MEF2B: variants seen among roughly 807,000 people sequenced by gnomAD.
MEF2B encodes the protein myocyte enhancer factor 2B.
MEF2B carries 15 observed loss-of-function variants against 32.2 expected under a neutral mutation model. That is an observed-to-expected ratio of 0.47 (90% CI 0.31 to 0.72). The LOEUF is 0.72. Ranked by LOEUF, MEF2B falls within the 30% of genes least tolerant of loss-of-function variation. The pLI is 0.05. For synonymous variants in MEF2B, 205 were observed against 225.6 expected (o/e 0.91, Z 0.82); for missense variants, 441 against 511.5 (o/e 0.86, Z 1.33).
intron 1 of MEF2B, among the ~76,000 whole-genome samples, chr19:19,162,823 T>G (rs1256613515): frequency 6.6e-6 from 1 of 152,164 alleles, no homozygotes. Context: ...ATTCAAATCC[T>G]AAACCCGCCA....
chr19:19,158,445 TAAA>T (rs370149412), intron 1 of MEF2B, among the ~76,000 whole-genome samples: 149 of 124,084 alleles, frequency 1.2e-3, no homozygotes, highest in East Asian at 3.8e-3. Flanking sequence ...ACCCTGCCCC[TAAA>T]AAAAAAAAAA....
rs1440686308 is a variant in MEF2B, at chr19:19,152,392, AGAAAAAG to A, written c.-29-1635_-29-1629del. ...CAAGACTCTGTCTCAAAAAAAAAAA[AGAAAAAG>A]AAAAAGAAAAAGAAAAAGAAATCTG... On this transcript the variant is annotated intron_variant, in intron 1 of 8. Transcript: ENST00000424583. 1.2e-3 allele frequency among the ~76,000 whole-genome samples: 173 copies of A among 139,254 alleles called. 1 individual carries two copies. Among genetic ancestry groups the A allele is most frequent in the African/African-American group, 4.6e-3 (162 of 35,106 alleles). The allele number at this position is 139,254 out of a possible 152,430, so 91.4% of individuals were successfully genotyped here. A position where few individuals can be genotyped will look rare whatever the true frequency, so the allele number is the denominator to read the frequency against.
chr19:19,147,738 C>T lies in MEF2B; in HGVS notation c.353G>A (p.Gly118Asp). The T allele has an allele frequency of 6.2e-7, 1 of 1,613,974 alleles. No individual in the cohort carries two copies. Among genetic ancestry groups the T allele is most frequent in the Non-Finnish European group, 8.5e-7 (1 of 1,179,956 alleles). The stretch of plus-strand genomic sequence containing the variant: ...GGGCAAGGCCGGATCACCCCCTTCG[C>T]CTGCCAGCCTCCGAAACTTCTCTCC... ...EPGEKFRRLA[G>D]EGGDPALPRP... is the part of the protein sequence containing the mutation. Residue 118 changes from glycine (G) to aspartate (D), a missense_variant, in exon 4 of 9, where the codon GGC becomes GAC. Gly to Asp is a moderately conservative substitution (Grantham distance 94, BLOSUM62 -1). Transcript: ENST00000424583.
At chr19:19,146,201 G>A (rs1464502006) in intron 8 of MEF2B, 72 bp downstream of exon 8, 8 of 858,004 alleles carry the variant, frequency 9.3e-6, no homozygotes, top group Admixed American at 3.7e-5. Flanking sequence ...CAGTACCAGG[G>A]ATGGCCACCA....
chr19:19,147,141 C>A lies in MEF2B; in HGVS notation c.436G>T (p.Ala146Ser). Reference sequence around the variant, plus strand: ...GGGTCACAGCCTGGTGGCGGTAAGGCCCCGTATACCACATCTGGGCTGGGC... The same window carrying A: ...GGGTCACAGCCTGGTGGCGGTAAGGACCCGTATACCACATCTGGGCTGGGC... ...AMPSPDVVYG[A>S]LPPPGCDPSG... The change falls in exon 5 of 9, where the codon GCC (alanine) becomes TCC (serine). Residue 146 changes from alanine to serine, a missense_variant. By Grantham distance (99) the Ala-to-Ser change is moderately conservative (BLOSUM62 1). Transcript: ENST00000424583. 1 of 1,595,286 alleles carries A rather than the reference C, an allele frequency of 6.3e-7. No individual in the cohort carries two copies. The highest frequency in any genetic ancestry group is 8.5e-7 in the Non-Finnish European group (1 of 1,171,706).
intron 3 of MEF2B, 90 bp downstream of exon 3, chr19:19,149,136 C>T: frequency 6.7e-7 from 1 of 1,495,424 alleles, no homozygotes; most frequent in African/African-American, 1.4e-5. Context: ...GATGAAGACA[C>T]TCATCTTTTG....
intron 8 of MEF2B, 93 bp downstream of exon 8, chr19:19,146,180 G>A (rs990886209): frequency 2.5e-5 from 21 of 844,752 alleles, no homozygotes; most frequent in African/African-American, 1.8e-4. Flanking sequence ...CATCCGTACC[G>A]GAAGTGTGCG....
In MEF2B at chr19:19,166,592, C is replaced by T. The variant is rs771048122; in HGVS notation, c.-30+3613G>A. ...GCAACATAGGGAGACCCCCCCATCT[C>T]CAATTAAAAAAAAAAAAAAAGCCAG... On this transcript the variant is annotated intron_variant, in intron 1 of 8. Coordinates refer to ENST00000424583, the MANE Select transcript of MEF2B (RefSeq NM_001145785.2). Among the ~76,000 whole-genome samples, 45 of 61,338 alleles carry T rather than the reference C, an allele frequency of 7.3e-4. No homozygotes were observed. In the Middle Eastern group the frequency reaches 0.034, roughly 46 times the overall value. 40.2% of individuals were successfully genotyped at this position (61,338 alleles called of 152,430 possible). A position where few individuals can be genotyped will look rare whatever the true frequency, so the allele number is the denominator to read the frequency against.
At chr19:19,146,902 G>A in intron 5 of MEF2B, 27 bp from the exon 6 acceptor site, 10 of 1,602,304 alleles carry the variant, frequency 6.2e-6, no homozygotes, top group Non-Finnish European at 7.7e-6. Context: ...CCCAGAGAGA[G>A]AGGACAGGCA....
In MEF2B at chr19:19,150,723, T is replaced by G; in HGVS notation, c.13A>C (p.Lys5Gln). The change falls in exon 2 of 9, where the codon AAA becomes CAA. Residue 5 changes from lysine to glutamine, a missense_variant. This residue lies in a region of MEF2B where 115 missense variants were observed against 183.1 expected (regional missense o/e 0.63). Coordinates refer to ENST00000424583, the MANE Select transcript of MEF2B (RefSeq NM_001145785.2). Reference sequence around the variant, plus strand: ...TCCAGGATGCGGGAGATCTGGATTTTTTTCCTCCCCATCGTCCCAGGCTGA... The same window carrying G: ...TCCAGGATGCGGGAGATCTGGATTTGTTTCCTCCCCATCGTCCCAGGCTGA... Reference protein sequence around the residue: MGRKKIQISRILDQR... With the variant: MGRKQIQISRILDQR... 6.2e-7 allele frequency: 1 copy of G among 1,614,058 alleles called. No homozygotes were observed. Among genetic ancestry groups the G allele is most frequent in the South Asian group, 1.1e-5 (1 of 91,076 alleles).
At chr19:19,168,161 G>A (rs889724760) in intron 1 of MEF2B, among the ~76,000 whole-genome samples, 2 of 152,142 alleles carry the variant, frequency 1.3e-5, no homozygotes, top group Non-Finnish European at 2.9e-5. Flanking sequence ...CCAAGAGTCT[G>A]AGAGTTCTTG....
chr19:19,154,404 C>T (rs140834592), intron 1 of MEF2B, among the ~76,000 whole-genome samples: 2,993 of 152,078 alleles, frequency 0.02, 90 homozygotes, highest in African/African-American at 0.068. Flanking sequence ...CCTCATGATC[C>T]GCCCGCCTTG....
At chr19:19,158,420 G>C (rs2060135225) in intron 1 of MEF2B, among the ~76,000 whole-genome samples, 1 of 137,352 alleles carries the variant, frequency 7.3e-6, no homozygotes, top group South Asian at 2.6e-4. Flanking sequence ...GCTCCAGCCA[G>C]AGCAACATAG....
At chr19:19,163,740 G>A (rs899941276) in intron 1 of MEF2B, among the ~76,000 whole-genome samples, 1 of 152,024 alleles carries the variant, frequency 6.6e-6, no homozygotes, top group Non-Finnish European at 1.5e-5. Context: ...TGCAACCTCC[G>A]CCTCCCAGGT....
intron 4 of MEF2B, 59 bp downstream of exon 4, chr19:19,147,639 C>A: frequency 1.3e-6 from 2 of 1,587,318 alleles, no homozygotes; most frequent in Non-Finnish European, 1.7e-6. Flanking sequence ...CCAGCCTCAA[C>A]GACTTGGGCC....
At chr19:19,147,963 C>T (rs553100993) in intron 3 of MEF2B, 131 bp from the exon 4 acceptor site, 7 of 1,413,398 alleles carry the variant, frequency 5.0e-6, no homozygotes, top group African/African-American at 1.4e-5. Flanking sequence ...ATGGCCTGCT[C>T]TAGCCAAACC....
intron 1 of MEF2B, among the ~76,000 whole-genome samples, chr19:19,156,102 C>T (rs573908091): frequency 2.0e-5 from 3 of 152,246 alleles, no homozygotes; most frequent in Admixed American, 2.0e-4. Flanking sequence ...GCTAAGAGTC[C>T]AGTACCTTCC....
At chr19:19,150,202 A>G (rs866234420) in intron 2 of MEF2B, among the ~76,000 whole-genome samples, 13 of 129,464 alleles carry the variant, frequency 1.0e-4, no homozygotes, top group African/African-American at 3.3e-4. Context: ...GAAGGAAGGA[A>G]GGAAGGAGGG....
At chr19:19,152,432 G>A (rs1031846757) in intron 1 of MEF2B, among the ~76,000 whole-genome samples, 3 of 151,550 alleles carry the variant, frequency 2.0e-5, no homozygotes, top group East Asian at 3.9e-4. Flanking sequence ...CTGGCTTGGC[G>A]TGGTAGCTCA....
Sources: allele counts gnomAD v4.1 joint callset (sites outside exome capture counted in the v4.1 genomes callset), GRCh38; gene constraint gnomAD v4.1.1; regional missense constraint gnomAD v4.1.1; transcripts MANE v1.5; gene names NCBI Gene and HGNC (gene_info 2026-07-23, HGNC 2026-07-21).